The following PRKG1 variants were observed in gnomAD, a reference collection of about 807,000 sequenced individuals.
PRKG1 encodes the protein protein kinase cGMP-dependent 1.
PRKG1 carries 35 observed loss-of-function variants against 88.1 expected under a neutral mutation model. That is an observed-to-expected ratio of 0.40 (90% CI 0.30 to 0.53). The LOEUF (loss-of-function observed/expected upper bound fraction) is 0.53, where lower values mean the gene tolerates loss of function less well. Among genes scored for constraint, PRKG1 ranks in the 20% least tolerant of loss-of-function variants. PRKG1 has a pLI of 0.59. For synonymous variants in PRKG1, 303 were observed against 292.5 expected (o/e 1.04, Z -0.37); for missense variants, 540 against 839.8 (o/e 0.64, Z 4.41).
chr10:51,915,730 T>G (rs1346710454), intron 5 of PRKG1, among the ~76,000 whole-genome samples: 1 of 152,162 alleles, frequency 6.6e-6, no homozygotes, highest in East Asian at 1.9e-4. Context: ...GTATCCATAA[T>G]TTTTACAAGA....
chr10:51,868,541 G>A (rs532353554), intron 4 of PRKG1, among the ~76,000 whole-genome samples: 3 of 151,590 alleles, frequency 2.0e-5, no homozygotes, highest in South Asian at 2.1e-4. Context: ...TTCAGCCTTG[G>A]CATTTTGGGA....
At chr10:51,780,694 A>G (rs1838565146) in intron 3 of PRKG1, among the ~76,000 whole-genome samples, 1 of 152,128 alleles carries the variant, frequency 6.6e-6, no homozygotes, top group Non-Finnish European at 1.5e-5. Context: ...GTTTTTACTT[A>G]GCTAAATAAT....
intron 5 of PRKG1, among the ~76,000 whole-genome samples, chr10:52,027,654 G>A (rs1017697632): frequency 6.6e-5 from 10 of 152,350 alleles, no homozygotes; most frequent in African/African-American, 2.4e-4. Context: ...GTCTATGACA[G>A]TGACTTGCTG....
intron 1 of PRKG1, among the ~76,000 whole-genome samples, chr10:51,032,250 A>G (rs905691248): frequency 1.3e-5 from 2 of 151,370 alleles, no homozygotes; most frequent in Non-Finnish European, 2.9e-5. Context: ...CATTGGCACC[A>G]CCCCTCTGCT....
At chr10:52,067,724 T>A (rs966842975) in intron 7 of PRKG1, among the ~76,000 whole-genome samples, 5 of 152,148 alleles carry the variant, frequency 3.3e-5, no homozygotes, top group African/African-American at 1.2e-4. Flanking sequence ...CATCTTTTTT[T>A]TTTTTCTTTC....
intron 5 of PRKG1, among the ~76,000 whole-genome samples, chr10:51,922,726 TC>T (rs931063516): frequency 6.6e-6 from 1 of 152,018 alleles, no homozygotes; most frequent in African/African-American, 2.4e-5. Flanking sequence ...ATTATTGATT[TC>T]TAATTTAATT....
intron 7 of PRKG1, among the ~76,000 whole-genome samples, chr10:52,068,941 A>T (rs1034513882): frequency 2.6e-5 from 4 of 151,804 alleles, no homozygotes; most frequent in Non-Finnish European, 5.9e-5. Context: ...TGCAGCCCTG[A>T]GTTACCTGTT....
intron 3 of PRKG1, among the ~76,000 whole-genome samples, chr10:51,762,918 C>A (rs1038256064): frequency 2.0e-5 from 3 of 152,102 alleles, no homozygotes; most frequent in African/African-American, 4.8e-5. Flanking sequence ...GAAGTCAGTG[C>A]CATGGAATAG....
In PRKG1 at chr10:51,864,161, A is replaced by G. The variant is rs1230308945; in HGVS notation, c.699-43346A>G. On this transcript the variant is annotated intron_variant, in intron 4 of 17. Coordinates refer to ENST00000373980, the MANE Select transcript of PRKG1 (RefSeq NM_006258.4). ...AACAAGGATAAGATGGTCACTCTAC[A>G]CTAAAGACATCTCTACTAACTGGTT... is the stretch of plus-strand genomic sequence containing the variant. Among the ~76,000 whole-genome samples the G allele has an allele frequency of 5.9e-5, 9 of 152,276 alleles. No homozygotes were observed. The East Asian group carries it at 1.7e-3, about 29-fold the overall frequency.
Position 51,263,988 on chromosome 10 carries a change from G to C in PRKG1, c.478+110658G>C, listed in dbSNP as rs1308766796. 5.3e-5 allele frequency among the ~76,000 whole-genome samples: 8 copies of C among 152,214 alleles called. No homozygotes were observed. The South Asian group carries it at 8.3e-4, about 16-fold the overall frequency. ...GCCCCAAAGAACTGAACATTGATAT[G>C]GAAATTTTCTTTGAAAACTAGGTTT... On this transcript the variant is annotated intron_variant, in intron 2 of 17. Coordinates refer to ENST00000373980, the MANE Select transcript of PRKG1 (RefSeq NM_006258.4).
chr10:52,033,627 A>T (rs1002633114), intron 5 of PRKG1, among the ~76,000 whole-genome samples: 4 of 152,194 alleles, frequency 2.6e-5, no homozygotes, highest in Admixed American at 6.5e-5. Context: ...ACCAGTAGTG[A>T]CATGTATCCT....
chr10:51,853,925 G>GTT (rs915621953), intron 4 of PRKG1, among the ~76,000 whole-genome samples: 2 of 150,792 alleles, frequency 1.3e-5, no homozygotes, highest in African/African-American at 4.9e-5. Context: ...TTTTCCAAGT[G>GTT]TTTTTTTTTA....
At chr10:52,261,270 G>A (rs542968827) in intron 10 of PRKG1, among the ~76,000 whole-genome samples, 22 of 152,052 alleles carry the variant, frequency 1.4e-4, no homozygotes, top group Admixed American at 1.4e-3. Flanking sequence ...AAGTTACAAA[G>A]CAAATAAGAT....
At chr10:51,979,096 T>C (rs1843925847) in intron 5 of PRKG1, among the ~76,000 whole-genome samples, 3 of 152,126 alleles carry the variant, frequency 2.0e-5, no homozygotes, top group African/African-American at 7.2e-5. Flanking sequence ...GTCTGCGGGA[T>C]TGTCATAGAT....
intron 3 of PRKG1, among the ~76,000 whole-genome samples, chr10:51,708,729 G>A (rs1454918602): frequency 6.6e-6 from 1 of 152,222 alleles, no homozygotes; most frequent in Non-Finnish European, 1.5e-5. Flanking sequence ...GAGTGATAGT[G>A]AGACCATTTA....
chr10:51,844,297 G>A (rs1008727409), intron 4 of PRKG1, among the ~76,000 whole-genome samples: 4 of 152,006 alleles, frequency 2.6e-5, no homozygotes, highest in African/African-American at 9.7e-5. Flanking sequence ...GTCAAAATGT[G>A]AATAACGTGT....
chr10:51,475,718 G>A (rs192592212), intron 3 of PRKG1, among the ~76,000 whole-genome samples: 1 of 151,890 alleles, frequency 6.6e-6, no homozygotes. Context: ...ATAGTGAGAA[G>A]TAAAATTAAA....
chr10:51,761,232 G>A (rs888089017), intron 3 of PRKG1, among the ~76,000 whole-genome samples: 3 of 152,192 alleles, frequency 2.0e-5, no homozygotes, highest in Non-Finnish European at 2.9e-5. Context: ...AAACATTTGT[G>A]TCTTTAATTA....
At chr10:52,127,066 G>T (rs999529687) in intron 7 of PRKG1, among the ~76,000 whole-genome samples, 17 of 152,112 alleles carry the variant, frequency 1.1e-4, no homozygotes, top group African/African-American at 4.1e-4. Flanking sequence ...GATCAGTGGT[G>T]CAGGGCAGAG....
Sources: gnomAD v4.1 joint callset for allele counts (sites outside exome capture counted in the v4.1 genomes callset) on GRCh38, gnomAD v4.1.1 for gene constraint, MANE v1.5 for transcripts, NCBI Gene and HGNC (gene_info 2026-07-23, HGNC 2026-07-21) for gene names.